Variants in SCAP observed in about 807,000 individuals in gnomAD.
The protein encoded by SCAP is sterol regulatory element-binding protein cleavage-activating protein.
In SCAP, 65 loss-of-function variants were observed where a neutral mutation model predicts 123.6. The ratio of observed to expected loss-of-function variants is 0.53; its 90% CI spans 0.43 to 0.65. The LOEUF is 0.65. SCAP is among the 30% of genes least tolerant of loss of function. The pLI, the probability that SCAP is intolerant of heterozygous loss-of-function variation, is 0.00. For missense variants in SCAP, 1,398 were observed against 1,712.5 expected, an observed-to-expected ratio of 0.82 and a Z score of 3.24; for synonymous variants, 740 against 726.3, an observed-to-expected ratio of 1.02 and a Z score of -0.30.
chr3:47,425,864 G>T, intron 7 of SCAP, 133 bp downstream of exon 7: 1 of 1,074,786 alleles, frequency 9.3e-7, no homozygotes, highest in South Asian at 1.6e-5. Flanking sequence ...GGGGGACAAA[G>T]CCCTAGCTCT....
chr3:47,437,784 A>T (rs1049655517), intron 2 of SCAP, among the ~76,000 whole-genome samples: 3 of 151,938 alleles, frequency 2.0e-5, no homozygotes, highest in African/African-American at 7.3e-5. Flanking sequence ...GTTTTTAATT[A>T]AAAAAAAGAA....
intron 1 of SCAP, among the ~76,000 whole-genome samples, chr3:47,445,496 C>T (rs1029410610): frequency 1.3e-5 from 2 of 151,998 alleles, no homozygotes; most frequent in Non-Finnish European, 2.9e-5. Context: ...TCCACCGCCT[C>T]GGCCTCCCAA....
chr3:47,415,192 G>T lies in SCAP; in HGVS notation c.3057-12C>A. 6.2e-7 allele frequency: 1 copy of T among 1,602,488 alleles called. No individual in the cohort carries two copies. Among genetic ancestry groups the T allele is most frequent in the East Asian group, 2.2e-5 (1 of 44,812 alleles). On this transcript the variant is annotated splice_polypyrimidine_tract_variant and intron_variant, in intron 18 of 22. Transcript: ENST00000265565. The stretch of plus-strand genomic sequence containing the variant: ...GTGCAGCCACAATCCTGGAAGAGAA[G>T]AACAGCTGCCAGGGGCCTCTCCCTT...
At chr3:47,465,280 C>A (rs573268077) in intron 1 of SCAP, among the ~76,000 whole-genome samples, 2 of 152,022 alleles carry the variant, frequency 1.3e-5, no homozygotes, top group African/African-American at 4.8e-5. Context: ...AAGCGATTCT[C>A]CTGTATCAGC....
chr3:47,440,222 A>G lies in SCAP; in HGVS notation c.122+2650T>C, dbSNP rs143390952. On this transcript the variant is annotated intron_variant, in intron 2 of 22. Coordinates refer to ENST00000265565, the MANE Select transcript of SCAP (RefSeq NM_012235.4). ...TTAAATGGAAACTGAATGTCTAGCA[A>G]AACTACTAGAAGCAGTCTATATCCA... Among the ~76,000 whole-genome samples, 156 of 152,344 alleles carry G rather than the reference A, an allele frequency of 1.0e-3. 3 individuals are homozygous for G. Among genetic ancestry groups the G allele is most frequent in the African/African-American group, 3.5e-3 (147 of 41,570 alleles).
At chr3:47,417,873 TGAGAGGGGGCGGGGG>T in intron 16 of SCAP, 47 bp from the exon 17 acceptor site, 1 of 220,524 alleles carries the variant, frequency 4.5e-6, no homozygotes, top group Non-Finnish European at 8.1e-6. Flanking sequence ...GGGAGGGGGG[TGAGAGGGGGCGGGGG>T]ACGGGGGTGA....
rs562355737 is a variant in SCAP at position 47,422,004 on chromosome 3, C to T, written c.1245+438G>A. Among the ~76,000 whole-genome samples the T allele has an allele frequency of 3.8e-4, 58 of 152,396 alleles. No homozygotes were observed. The South Asian group carries it at 0.011, about 29-fold the overall frequency. On this transcript the variant is annotated intron_variant, in intron 10 of 22. Coordinates refer to ENST00000265565, the MANE Select transcript of SCAP (RefSeq NM_012235.4). ...GGCAAGGCCATGCGTCTGGCGACTG[C>T]GGCACAGGCCAGGGCCAAGGGAGGA...
intron 4 of SCAP, among the ~76,000 whole-genome samples, chr3:47,427,984 G>A (rs1344472727): frequency 1.3e-5 from 2 of 152,146 alleles, no homozygotes; most frequent in Non-Finnish European, 2.9e-5. Context: ...AGCAGGGACC[G>A]GGGTAAATTA....
At chr3:47,462,343 A>ATACAACCTCTGCCCCATCG (rs1707672023) in intron 1 of SCAP, among the ~76,000 whole-genome samples, 3 of 152,064 alleles carry the variant, frequency 2.0e-5, no homozygotes, top group East Asian at 3.9e-4. Context: ...CTGCCCCATC[A>ATACAACCTCTGCCCCATCG]GCTATACAAC....
At chr3:47,469,873 T>C (rs752658647) in intron 1 of SCAP, 20 of 545,230 alleles carry the variant, frequency 3.7e-5, no homozygotes, top group Non-Finnish European at 6.2e-5. Context: ...AGCTCTCAGA[T>C]TGGAACAAGA....
intron 1 of SCAP, chr3:47,469,822 G>T: frequency 1.7e-6 from 1 of 585,990 alleles, no homozygotes; most frequent in South Asian, 1.4e-5. Flanking sequence ...CTATTACCCT[G>T]GGCAGTTGGC....
At chr3:47,470,915 T>G (rs1708003390) in intron 1 of SCAP, among the ~76,000 whole-genome samples, 2 of 152,060 alleles carry the variant, frequency 1.3e-5, no homozygotes, top group Admixed American at 1.3e-4. Flanking sequence ...GTGGGCTCCC[T>G]CCTCATTTAC....
chr3:47,435,181 G>A, intron 2 of SCAP, 44 bp from the exon 3 acceptor site: 1 of 1,574,262 alleles, frequency 6.4e-7, no homozygotes, highest in Non-Finnish European at 8.6e-7. Context: ...ACTATGAGAG[G>A]CAGTCCTCTC....
In SCAP at chr3:47,418,447, C is replaced by T. The variant is rs201478816; in HGVS notation, c.2205G>A (p.Pro735=). The change falls in exon 15 of 23, where the codon CCG becomes CCA. Residue 735 remains proline, a synonymous_variant. Coordinates refer to ENST00000265565, the MANE Select transcript of SCAP (RefSeq NM_012235.4). ...CACCACCCAGCTGCCCGTAGTTGCGCGGGCATAGCACGCGGTAGAGGCAGA... is the reference window on the plus strand; with the variant it reads ...CACCACCCAGCTGCCCGTAGTTGCGTGGGCATAGCACGCGGTAGAGGCAGA... ...LLLCLYRVLC[P]RNYGQLGGGP... is the part of the protein sequence containing the mutation. 1.3e-4 allele frequency: 205 copies of T among 1,594,808 alleles called. No homozygotes were observed. The highest frequency in any genetic ancestry group is 1.7e-4 in the Middle Eastern group (1 of 6,044).
At position 47,413,994 on chromosome 3, in the gene SCAP, G is replaced by C. The variant is rs767719888; in HGVS notation, c.3700C>G (p.Gln1234Glu). ...FWDLNYGDLL[Q>E]TVYLGKNSEA... ...CTGTTCTTCCCCAGGTAGACTGTCT[G>C]TAACAGGTCCCCGTAGTTTAGGTCC... The change falls in exon 23 of 23, where the codon CAG (glutamine) becomes GAG (glutamate). Residue 1234 changes from glutamine to glutamate, a missense_variant. Physicochemically the swap from Gln to Glu is conservative, Grantham distance 29. Coordinates refer to ENST00000265565, the MANE Select transcript of SCAP (RefSeq NM_012235.4). 3 of 1,613,308 alleles carry C rather than the reference G, an allele frequency of 1.9e-6. No individual in the cohort carries two copies. Among genetic ancestry groups the C allele is most frequent in the Non-Finnish European group, 2.5e-6 (3 of 1,180,022 alleles).
At chr3:47,438,442 C>A (rs1327932772) in intron 2 of SCAP, among the ~76,000 whole-genome samples, 2 of 147,266 alleles carry the variant, frequency 1.4e-5, no homozygotes, top group East Asian at 4.0e-4. Flanking sequence ...GATCAGAATT[C>A]ATTTAGGGCT....
chr3:47,462,545 C>T (rs1019882144), intron 1 of SCAP, among the ~76,000 whole-genome samples: 7 of 151,884 alleles, frequency 4.6e-5, no homozygotes, highest in Non-Finnish European at 1.0e-4. Flanking sequence ...AAATGAGAAA[C>T]GCCTACAACC....
chr3:47,474,615 C>A (rs1221533134), intron 1 of SCAP, among the ~76,000 whole-genome samples: 1 of 152,056 alleles, frequency 6.6e-6, no homozygotes, highest in Non-Finnish European at 1.5e-5. Context: ...GGCAACACAG[C>A]AAGACCCCCA....
chr3:47,414,645 C>T lies in SCAP; in HGVS notation c.3314G>A (p.Arg1105His), dbSNP rs746193507. 73 of 1,613,208 alleles carry T rather than the reference C, an allele frequency of 4.5e-5. No homozygotes were observed. The highest frequency in any genetic ancestry group is 5.7e-5 in the Non-Finnish European group (67 of 1,180,028). The change falls in exon 21 of 23, where the codon CGT becomes CAT. Residue 1105 changes from arginine to histidine, a missense_variant. By Grantham distance (29) the Arg-to-His change is conservative (BLOSUM62 0). This residue lies in a region of SCAP where 44 missense variants were observed against 64.4 expected (regional missense o/e 0.68). Transcript: ENST00000265565. The stretch of plus-strand genomic sequence containing the variant: ...GAAGAGGCAGCACGAGTCCTCCAGA[C>T]GGAACACCTGGGACAGGGATGGGCC... ...GSQDHTLRVF[R>H]LEDSCCLFTL... is the part of the protein sequence containing the mutation.
Sources: allele counts gnomAD v4.1 joint callset (sites outside exome capture counted in the v4.1 genomes callset), GRCh38; gene constraint gnomAD v4.1.1; regional missense constraint gnomAD v4.1.1; transcripts MANE v1.5; gene names NCBI Gene and HGNC (gene_info 2026-07-23, HGNC 2026-07-21).